VPS26A: variants seen among roughly 807,000 people sequenced by gnomAD.
VPS26A encodes vacuolar protein sorting-associated protein 26A.
VPS26A carries 22 observed loss-of-function variants against 42.4 expected under a neutral mutation model. The observed-to-expected ratio is 0.52, with a 90% CI of 0.37 to 0.74. VPS26A has a LOEUF of 0.74. Ranked by LOEUF, VPS26A falls within the 30% of genes least tolerant of loss-of-function variation. VPS26A has a pLI of 0.00. For missense variants in VPS26A, 276 were observed against 379.2 expected (o/e 0.73, Z 2.26); for synonymous variants, 110 against 123.5 (o/e 0.89, Z 0.73).
At chr10:69,138,528 C>T (rs1369066617) in intron 2 of VPS26A, among the ~76,000 whole-genome samples, 2 of 152,204 alleles carry the variant, frequency 1.3e-5, no homozygotes, top group Non-Finnish European at 2.9e-5. Flanking sequence ...CATACCTGCA[C>T]TCAGCCGTAT....
At chr10:69,143,668 C>G (rs1841093054) in intron 2 of VPS26A, among the ~76,000 whole-genome samples, 1 of 152,008 alleles carries the variant, frequency 6.6e-6, no homozygotes, top group African/African-American at 2.4e-5. Context: ...GTTCAAGAAC[C>G]CTGGGTTTTG....
At chr10:69,126,074 A>C (rs936916546) in intron 1 of VPS26A, among the ~76,000 whole-genome samples, 6 of 152,198 alleles carry the variant, frequency 3.9e-5, no homozygotes, top group African/African-American at 1.4e-4. Context: ...AAGAGTTTTA[A>C]CTTGCATATT....
intron 2 of VPS26A, chr10:69,133,411 TTTAACA>T (rs1199307177): frequency 2.0e-6 from 1 of 505,056 alleles, no homozygotes; most frequent in Admixed American, 4.7e-5. Context: ...TTGTTTTTCC[TTTAACA>T]TTAAGTTAGA....
chr10:69,151,280 A>AAAAAAAAAAAAAAAAAG (rs1841307402), intron 2 of VPS26A, among the ~76,000 whole-genome samples: 1 of 135,228 alleles, frequency 7.4e-6, no homozygotes, highest in African/African-American at 3.6e-5. Context: ...AAAAAAAAAA[A>AAAAAAAAAAAAAAAAAG]AAACACACAC....
chr10:69,128,001 T>TA (rs1564671140), intron 1 of VPS26A, among the ~76,000 whole-genome samples: 1 of 152,032 alleles, frequency 6.6e-6, no homozygotes, highest in Non-Finnish European at 1.5e-5. Flanking sequence ...TTCTGCTACT[T>TA]TTTTTAAAAT....
At chr10:69,135,609 C>T (rs1024057606) in intron 2 of VPS26A, among the ~76,000 whole-genome samples, 1 of 152,048 alleles carries the variant, frequency 6.6e-6, no homozygotes, top group Non-Finnish European at 1.5e-5. Flanking sequence ...TTAAAAATTA[C>T]ATTTTGGCAT....
intron 6 of VPS26A, 138 bp from the exon 7 acceptor site, chr10:69,165,904 C>T: frequency 1.3e-6 from 1 of 777,594 alleles, no homozygotes; most frequent in East Asian, 2.8e-5. Context: ...CATGATTGGA[C>T]CACTGCACTC....
At chr10:69,128,230 A>ATTTTTTT (rs34855332) in intron 1 of VPS26A, among the ~76,000 whole-genome samples, 2 of 122,040 alleles carry the variant, frequency 1.6e-5, no homozygotes, top group African/African-American at 5.9e-5. Flanking sequence ...TTGGGATTTG[A>ATTTTTTT]TTTTTTTTTT....
At chr10:69,168,746 C>T in intron 8 of VPS26A, 115 bp downstream of exon 8, 1 of 1,299,274 alleles carries the variant, frequency 7.7e-7, no homozygotes, top group Non-Finnish European at 1.0e-6. Flanking sequence ...TAAATAAAAA[C>T]ACTGTGGGTA....
At position 69,160,199 on chromosome 10, in the gene VPS26A, G is replaced by A. The variant is rs561977989; in HGVS notation, c.551+1988G>A. On this transcript the variant is annotated intron_variant, in intron 5 of 8. Transcript: ENST00000263559. ...TTGTTTGTTTGAGTCTCACTTTGTC[G>A]CCCAGGCTGGAGTGCAATGGCGTGA... Among the ~76,000 whole-genome samples the A allele has an allele frequency of 9.9e-5, 15 of 150,848 alleles. No homozygotes were observed. The South Asian group carries it at 1.5e-3, about 15-fold the overall frequency.
chr10:69,142,830 TAAAC>T (rs1391674058), intron 2 of VPS26A, among the ~76,000 whole-genome samples: 1 of 151,730 alleles, frequency 6.6e-6, no homozygotes, highest in Non-Finnish European at 1.5e-5. Context: ...AGATTAAAAA[TAAAC>T]TAACTAGTTT....
intron 2 of VPS26A, among the ~76,000 whole-genome samples, chr10:69,150,537 A>ACCG (rs994701261): frequency 8.5e-5 from 13 of 152,128 alleles, no homozygotes; most frequent in African/African-American, 2.9e-4. Context: ...AGCTGGGACT[A>ACCG]CAGGCGCCTG....
At position 69,131,989 on chromosome 10, in the gene VPS26A, G is replaced by A. The variant is rs115315707; in HGVS notation, c.4-909G>A. Among the ~76,000 whole-genome samples the A allele has an allele frequency of 4.0e-3, 606 of 152,220 alleles. 4 individuals are homozygous for A. The highest frequency in any genetic ancestry group is 0.012 in the African/African-American group (487 of 41,550). On this transcript the variant is annotated intron_variant, in intron 1 of 8. Transcript: ENST00000263559. ...TCATATTCAGGATTTATAGAACAAG[G>A]CTTGTAGATTTTCTTTGGAAAAATT... is the stretch of plus-strand genomic sequence containing the variant.
At chr10:69,135,475 G>C (rs1016054415) in intron 2 of VPS26A, among the ~76,000 whole-genome samples, 1 of 152,198 alleles carries the variant, frequency 6.6e-6, no homozygotes, top group Non-Finnish European at 1.5e-5. Context: ...GGGTGTGGTG[G>C]CTCATGCCTG....
At chr10:69,161,781 TA>T in intron 5 of VPS26A, 1 of 319,458 alleles carries the variant, frequency 3.1e-6, no homozygotes, top group East Asian at 7.7e-5. Flanking sequence ...GGTGCCTGTC[TA>T]AGGCTTTGGC....
chr10:69,138,778 T>C (rs1840977665), intron 2 of VPS26A, among the ~76,000 whole-genome samples: 1 of 152,230 alleles, frequency 6.6e-6, no homozygotes, highest in African/African-American at 2.4e-5. Context: ...TCCTTTCTTC[T>C]GCATCAAGAA....
At chr10:69,133,550 G>C (rs956779191) in intron 2 of VPS26A, 2 of 1,289,320 alleles carry the variant, frequency 1.6e-6, no homozygotes, top group Non-Finnish European at 2.0e-6. Context: ...TAGAGGACTT[G>C]AGTACTTTTG....
At chr10:69,148,137 C>T (rs772382055) in intron 2 of VPS26A, among the ~76,000 whole-genome samples, 7 of 152,084 alleles carry the variant, frequency 4.6e-5, no homozygotes, top group Non-Finnish European at 1.0e-4. Flanking sequence ...CTTATTGTAT[C>T]TATTTAAGGT....
At chr10:69,161,374 C>A (rs1318995190) in intron 5 of VPS26A, among the ~76,000 whole-genome samples, 2 of 152,138 alleles carry the variant, frequency 1.3e-5, no homozygotes, top group Non-Finnish European at 2.9e-5. Flanking sequence ...AACAGTTAAC[C>A]AGGGTAATTA....
Sources: gnomAD v4.1 joint callset for allele counts (sites outside exome capture counted in the v4.1 genomes callset) on GRCh38, gnomAD v4.1.1 for gene constraint, MANE v1.5 for transcripts, NCBI Gene and HGNC (gene_info 2026-07-23, HGNC 2026-07-21) for gene names.